The following PPP1R21 variants were observed in gnomAD, a reference collection of about 807,000 sequenced individuals.
The protein encoded by PPP1R21 is protein phosphatase 1 regulatory subunit 21.
Under a neutral mutation model 112.8 loss-of-function variants are expected in PPP1R21, and 85 were observed. The observed-to-expected ratio is 0.75, with a 90% CI of 0.63 to 0.90. The LOEUF (loss-of-function observed/expected upper bound fraction) is 0.90. Among genes scored for constraint, PPP1R21 ranks in the 40% least tolerant of loss-of-function variants. PPP1R21 has a pLI of 0.00. For missense variants in PPP1R21, 1,199 were observed against 901.5 expected, an observed-to-expected ratio of 1.33 and a Z score of -4.23; for synonymous variants, 381 against 322.3, an observed-to-expected ratio of 1.18 and a Z score of -1.95.
At chr2:48,478,098 C>T (rs924578029) in intron 12 of PPP1R21, among the ~76,000 whole-genome samples, 1 of 152,170 alleles carries the variant, frequency 6.6e-6, no homozygotes, top group Non-Finnish European at 1.5e-5. Flanking sequence ...AGGCAAGTAA[C>T]ACCTAGGGCC....
chr2:48,467,525 A>G (rs1572849780), intron 9 of PPP1R21, among the ~76,000 whole-genome samples: 1 of 152,110 alleles, frequency 6.6e-6, no homozygotes, highest in African/African-American at 2.4e-5. Flanking sequence ...GAGCTGGGGG[A>G]TTTGCATCCC....
chr2:48,505,617 T>C (rs1177740108), intron 18 of PPP1R21, 21 bp downstream of exon 18: 2 of 1,538,390 alleles, frequency 1.3e-6, no homozygotes, highest in Admixed American at 3.9e-5. Flanking sequence ...CTTGTCATCA[T>C]GTTGTTTGTT....
intron 1 of PPP1R21, among the ~76,000 whole-genome samples, chr2:48,445,304 T>C (rs1285850054): frequency 6.6e-6 from 1 of 152,202 alleles, no homozygotes; most frequent in Non-Finnish European, 1.5e-5. Flanking sequence ...TGCATGGCTG[T>C]TGAGTGCTTG....
Position 48,491,064 on chromosome 2 carries a change from T to G in PPP1R21, c.1493T>G (p.Leu498Arg). 1 of 1,613,932 alleles carries G rather than the reference T, an allele frequency of 6.2e-7. No homozygotes were observed. The highest frequency in any genetic ancestry group is 8.5e-7 in the Non-Finnish European group (1 of 1,179,774). Residue 498 changes from leucine (L) to arginine (R), a missense_variant, in exon 15 of 22, where the codon CTG (leucine) becomes CGG (arginine). Coordinates refer to ENST00000294952, the MANE Select transcript of PPP1R21 (RefSeq NM_001135629.3). Reference protein sequence around the residue: ...SNNLDYFIASLSYGPKAASGF... With the variant: ...SNNLDYFIASRSYGPKAASGF... ...AATTTGGACTACTTCATTGCTTCAC[T>G]GAGCTATGGACCTAAGGCAGCGAGT...
chr2:48,440,972 C>G lies in PPP1R21; in HGVS notation c.19C>G (p.Gln7Glu). 1 of 1,611,888 alleles carries G rather than the reference C, an allele frequency of 6.2e-7. No homozygotes were observed. Among genetic ancestry groups the G allele is most frequent in the Non-Finnish European group, 8.5e-7 (1 of 1,178,602 alleles). The part of the protein sequence containing the change: MASAEL[Q>E]GKYQKLAQEY... ...GGAGGCCATGGCCTCGGCTGAGTTG[C>G]AGGGGAAGTACCAGAAGCTGGCTCA... is the stretch of plus-strand genomic sequence containing the variant. The change falls in exon 1 of 22, where the codon CAG becomes GAG. Residue 7 changes from glutamine (Q) to glutamate (E), a missense_variant. Physicochemically the swap from Gln to Glu is conservative, Grantham distance 29. Transcript: ENST00000294952.
At chr2:48,468,494 T>A (rs1157472024) in intron 9 of PPP1R21, among the ~76,000 whole-genome samples, 1 of 152,200 alleles carries the variant, frequency 6.6e-6, no homozygotes, top group Non-Finnish European at 1.5e-5. Flanking sequence ...AGTTATGCTT[T>A]CTTTTATACT....
chr2:48,440,823 C>T lies in PPP1R21; in HGVS notation c.-131C>T, dbSNP rs1040002495. Reference sequence around the variant, plus strand: ...AGTGGAGGAGGAGGCGCGGCGGCGGCGGCGGCGGCGGCTGCGGTGGCCAAG... The same window carrying T: ...AGTGGAGGAGGAGGCGCGGCGGCGGTGGCGGCGGCGGCTGCGGTGGCCAAG... On this transcript the variant is annotated 5_prime_UTR_variant, in exon 1 of 22. Transcript: ENST00000294952. The T allele has an allele frequency of 2.7e-5, 18 of 672,656 alleles. 1 individual carries two copies. Among genetic ancestry groups the T allele is most frequent in the Middle Eastern group, 3.9e-4 (1 of 2,542 alleles). 41.7% of individuals were successfully genotyped at this position (672,656 alleles called of 1,614,324 possible). A position where few individuals can be genotyped will look rare whatever the true frequency, so the allele number is the denominator to read the frequency against.
intron 3 of PPP1R21, among the ~76,000 whole-genome samples, chr2:48,456,772 G>A (rs1667745043): frequency 6.6e-6 from 1 of 152,134 alleles, no homozygotes; most frequent in South Asian, 2.1e-4. Flanking sequence ...TACATACCAG[G>A]CCAGGCACAG....
At chr2:48,441,270 C>G in intron 1 of PPP1R21, 1 of 546,502 alleles carries the variant, frequency 1.8e-6, no homozygotes, top group Non-Finnish European at 3.3e-6. Flanking sequence ...AAGTAGCGGG[C>G]TTGGGACTGG....
chr2:48,478,170 C>T (rs1044024410), intron 12 of PPP1R21, among the ~76,000 whole-genome samples: 1 of 152,182 alleles, frequency 6.6e-6, no homozygotes, highest in Admixed American at 6.5e-5. Flanking sequence ...GAGTGTGACC[C>T]TGCCAACACC....
intron 7 of PPP1R21, among the ~76,000 whole-genome samples, chr2:48,462,544 G>T (rs1484379392): frequency 1.3e-5 from 2 of 152,184 alleles, no homozygotes; most frequent in Non-Finnish European, 2.9e-5. Context: ...GGAATTACGT[G>T]AAGTATGGTA....
At chr2:48,502,986 C>T (rs1296963642) in intron 17 of PPP1R21, among the ~76,000 whole-genome samples, 1 of 151,990 alleles carries the variant, frequency 6.6e-6, no homozygotes, top group African/African-American at 2.4e-5. Context: ...AGCCTAGAAA[C>T]TTATTTCTAA....
rs753613184 is a variant in PPP1R21, at chr2:48,486,775, G to A, written c.1446+17G>A. 70 of 1,603,596 alleles carry A rather than the reference G, an allele frequency of 4.4e-5. No individual in the cohort carries two copies. Among genetic ancestry groups the A allele is most frequent in the Non-Finnish European group, 5.4e-5 (64 of 1,175,634 alleles). ...GCAGGAAAGGTAATTCTCTTCTGGCGTATATTGATGTTAAAACTCTTAAAT... is the reference window on the plus strand; with the variant it reads ...GCAGGAAAGGTAATTCTCTTCTGGCATATATTGATGTTAAAACTCTTAAAT... On this transcript the variant is annotated intron_variant, in intron 14 of 21. Coordinates refer to ENST00000294952, the MANE Select transcript of PPP1R21 (RefSeq NM_001135629.3).
chr2:48,455,769 C>G (rs1387026981), intron 3 of PPP1R21, among the ~76,000 whole-genome samples: 1 of 151,924 alleles, frequency 6.6e-6, no homozygotes. Context: ...AATCCCAGCA[C>G]TTTGGGAGGC....
chr2:48,459,091 C>CAA (rs747369228), intron 4 of PPP1R21, among the ~76,000 whole-genome samples: 54 of 54,976 alleles, frequency 9.8e-4, no homozygotes, highest in African/African-American at 1.2e-3. Context: ...GACTCTGTCT[C>CAA]AAAAAAAAAA....
At chr2:48,471,411 T>C (rs199498571) in intron 11 of PPP1R21, 44 bp downstream of exon 11, 1 of 1,540,004 alleles carries the variant, frequency 6.5e-7, no homozygotes, top group East Asian at 2.3e-5. Flanking sequence ...ATTGTGGGTG[T>C]AACCTGATCT....
At chr2:48,499,128 G>C (rs932889003) in intron 17 of PPP1R21, among the ~76,000 whole-genome samples, 10 of 147,650 alleles carry the variant, frequency 6.8e-5, no homozygotes, top group Non-Finnish European at 1.4e-4. Context: ...TAGGATATTG[G>C]GGGTGGGGGG....
chr2:48,492,819 G>A (rs1352268950), intron 15 of PPP1R21, among the ~76,000 whole-genome samples: 1 of 152,082 alleles, frequency 6.6e-6, no homozygotes, highest in African/African-American at 2.4e-5. Flanking sequence ...CTTCAGGAAG[G>A]TTACCTATTT....
intron 17 of PPP1R21, among the ~76,000 whole-genome samples, chr2:48,503,099 G>A (rs1670199381): frequency 1.3e-5 from 2 of 152,094 alleles, no homozygotes; most frequent in South Asian, 4.1e-4. Flanking sequence ...AAAAAAGATA[G>A]CAATAGCCTT....
Sources: allele counts gnomAD v4.1 joint callset (sites outside exome capture counted in the v4.1 genomes callset), GRCh38; gene constraint gnomAD v4.1.1; transcripts MANE v1.5; gene names NCBI Gene and HGNC (gene_info 2026-07-23, HGNC 2026-07-21).